Variants in SYNJ2 observed in about 807,000 individuals in gnomAD.
SYNJ2 encodes polyphosphatidylinositol phosphatase SYNJ2.
A neutral mutation model predicts 141.3 loss-of-function variants in SYNJ2; 116 were observed. The ratio of observed to expected loss-of-function variants is 0.82; its 90% confidence interval spans 0.71 to 0.96. The LOEUF (loss-of-function observed/expected upper bound fraction) is 0.96. Ranked by LOEUF, SYNJ2 falls within the 40% of genes least tolerant of loss-of-function variation. The probability of loss-of-function intolerance (pLI) is 0.00; values close to 1 mark genes in which losing one functional copy is unlikely to be tolerated. For missense variants in SYNJ2, 1,873 were observed against 1,934.8 expected (o/e 0.97, Z 0.60); for synonymous variants, 745 against 777.7 (o/e 0.96, Z 0.70).
chr6:158,047,793 A>AAAAAAAC (rs1780330923), intron 5 of SYNJ2, among the ~76,000 whole-genome samples: 2 of 149,144 alleles, frequency 1.3e-5, no homozygotes, highest in African/African-American at 5.0e-5. Context: ...AAAAAAAAAA[A>AAAAAAAC]AAAAAAAAAA....
chr6:158,070,295 C>A lies in SYNJ2; in HGVS notation c.1940+622C>A. 1 of 985,520 alleles carries A rather than the reference C, an allele frequency of 1.0e-6. No homozygotes were observed. The highest frequency in any genetic ancestry group is 1.2e-6 in the Non-Finnish European group (1 of 830,036). The allele number at this position is 985,520 out of a possible 1,614,324, so 61.0% of individuals were successfully genotyped here. A position where few individuals can be genotyped will look rare whatever the true frequency, so the allele number is the denominator to read the frequency against. On this transcript the variant is annotated intron_variant, in intron 14 of 26. Coordinates refer to ENST00000355585, the MANE Select transcript of SYNJ2 (RefSeq NM_003898.4). This position sits in a 1 kb window ranked among gnomAD's most constrained non-coding sequence, Gnocchi z 4.0. ...CACCAGCCTTTCGGCGAGCTGGCAG[C>A]AGGCGTTGAACTGACCTCCCCACTG...
Position 158,064,808 on chromosome 6 carries a change from G to A in SYNJ2, c.1360-18G>A, listed in dbSNP as rs748738629. The A allele has an allele frequency of 1.2e-5, 19 of 1,609,688 alleles. 1 individual carries two copies. The highest frequency in any genetic ancestry group is 8.0e-5 in the African/African-American group (6 of 75,018). On this transcript the variant is annotated intron_variant, in intron 10 of 26. Coordinates refer to ENST00000355585, the MANE Select transcript of SYNJ2 (RefSeq NM_003898.4). The stretch of plus-strand genomic sequence containing the variant: ...CCCAGGGACCCCCCTCACGGCCTGC[G>A]GTCTGGGCTCTCGGCAGGTGGGGAA...
At position 158,064,616 on chromosome 6, in the gene SYNJ2, C is replaced by G. The variant is rs1176851126; in HGVS notation, c.1225C>G (p.Leu409Val). 4 of 1,613,852 alleles carry G rather than the reference C, an allele frequency of 2.5e-6. No individual in the cohort carries two copies. Among genetic ancestry groups the G allele is most frequent in the Non-Finnish European group, 3.4e-6 (4 of 1,180,024 alleles). The stretch of plus-strand genomic sequence containing the variant: ...TCCTCCCCAGGTCCTGCATCTGCAG[C>G]TCAAGACCCTGGGGCTGAGTTCAAA... ...FIALEVLHLQ[L>V]KTLGLSSKPI... is the part of the protein sequence containing the mutation. Residue 409 changes from leucine to valine, a missense_variant, in exon 10 of 27, where the codon CTC (leucine) becomes GTC (valine). By Grantham distance (32) the Leu-to-Val change is conservative (BLOSUM62 1). Transcript: ENST00000355585.
At chr6:158,066,885 G>T (rs1215212008) in intron 12 of SYNJ2, among the ~76,000 whole-genome samples, 1 of 152,160 alleles carries the variant, frequency 6.6e-6, no homozygotes, top group Non-Finnish European at 1.5e-5. Context: ...ATACAGTGAT[G>T]GTGAAGTCTT....
intron 4 of SYNJ2, among the ~76,000 whole-genome samples, chr6:158,042,298 T>C (rs1168118657): frequency 6.6e-6 from 1 of 152,276 alleles, no homozygotes; most frequent in Non-Finnish European, 1.5e-5. Context: ...TTTGACAATG[T>C]AGATACCAGG....
At chr6:158,076,402 G>A (rs1052791207) in intron 16 of SYNJ2, among the ~76,000 whole-genome samples, 1 of 151,776 alleles carries the variant, frequency 6.6e-6, no homozygotes, top group African/African-American at 2.4e-5. Flanking sequence ...GGAGTGGGTG[G>A]GGAGATAGAT....
intron 2 of SYNJ2, among the ~76,000 whole-genome samples, chr6:158,022,112 C>T (rs142994106): frequency 9.5e-4 from 145 of 152,326 alleles, no homozygotes; most frequent in Middle Eastern, 3.4e-3. Flanking sequence ...TCTGAACCTG[C>T]GGGTGGCGGG....
chr6:158,016,914 G>A (rs574551093), intron 1 of SYNJ2: 1 of 954,854 alleles, frequency 1.0e-6, no homozygotes, highest in Non-Finnish European at 1.3e-6. Flanking sequence ...CCAGGCCCCA[G>A]GTGCCTGCCC....
chr6:158,085,790 C>T (rs1782993341), intron 22 of SYNJ2, among the ~76,000 whole-genome samples: 1 of 152,186 alleles, frequency 6.6e-6, no homozygotes, highest in African/African-American at 2.4e-5. Context: ...TTTGGACGCA[C>T]AGCTAGGTTT....
rs570979236 is a variant in SYNJ2, at chr6:158,040,415, C to T, written c.712-2901C>T. Reference sequence around the variant, plus strand: ...TGTACATGTGTAGATAGCATCTCAGCCTCCTTGGGAGGAAGCCTTGAGTCT... The same window carrying T: ...TGTACATGTGTAGATAGCATCTCAGTCTCCTTGGGAGGAAGCCTTGAGTCT... On this transcript the variant is annotated intron_variant, in intron 4 of 26. Coordinates refer to ENST00000355585, the MANE Select transcript of SYNJ2 (RefSeq NM_003898.4). The surrounding 1 kb of genome is among the most constrained non-coding windows in gnomAD (Gnocchi z 4.2). Among the ~76,000 whole-genome samples, 4 of 152,016 alleles carry T rather than the reference C, an allele frequency of 2.6e-5. No homozygotes were observed. The highest frequency in any genetic ancestry group is 9.6e-5 in the African/African-American group (4 of 41,462).
chr6:158,091,515 G>A (rs1313742564), intron 25 of SYNJ2, among the ~76,000 whole-genome samples: 1 of 151,632 alleles, frequency 6.6e-6, no homozygotes, highest in African/African-American at 2.4e-5. Flanking sequence ...TTGGGAGGCC[G>A]AGGCAGGCGG....
Position 157,981,957 on chromosome 6 carries a change from C to T in SYNJ2, c.-5C>T. On this transcript the variant is annotated 5_prime_UTR_variant, in exon 1 of 27. Coordinates refer to ENST00000355585, the MANE Select transcript of SYNJ2 (RefSeq NM_003898.4). The surrounding 1 kb of genome is among the most constrained non-coding windows in gnomAD (Gnocchi z 6.4). ...CGGCCCCCGCCCGCAGTGGGCCCGA[C>T]CCTCATGGCCCTGAGCAAAGGGCTG... The T allele has an allele frequency of 1.6e-6, 2 of 1,232,398 alleles. No homozygotes were observed. Among genetic ancestry groups the T allele is most frequent in the South Asian group, 7.8e-5 (2 of 25,704 alleles). 76.3% of individuals were successfully genotyped at this position (1,232,398 alleles called of 1,614,324 possible).
chr6:158,066,332 C>T, intron 11 of SYNJ2, 112 bp from the exon 12 acceptor site: 2 of 1,243,002 alleles, frequency 1.6e-6, no homozygotes, highest in Non-Finnish European at 2.3e-6. Flanking sequence ...CCTGGTTTAT[C>T]TCTAGAGGCT....
intron 4 of SYNJ2, among the ~76,000 whole-genome samples, chr6:158,042,831 C>T (rs1377843257): frequency 6.6e-6 from 1 of 152,238 alleles, no homozygotes; most frequent in Non-Finnish European, 1.5e-5. Flanking sequence ...AAGTACGAGA[C>T]TGGCTAGCAC....
chr6:158,043,259 C>T lies in SYNJ2; in HGVS notation c.712-57C>T, dbSNP rs758183861. 1.7e-5 allele frequency: 26 copies of T among 1,519,400 alleles called. No homozygotes were observed. The highest frequency in any genetic ancestry group is 2.4e-5 in the Non-Finnish European group (26 of 1,096,952). The allele number at this position is 1,519,400 out of a possible 1,614,324, so 94.1% of individuals were successfully genotyped here. On this transcript the variant is annotated intron_variant, in intron 4 of 26. Transcript: ENST00000355585. This position sits in a 1 kb window ranked among gnomAD's most constrained non-coding sequence, Gnocchi z 4.0. ...GGTGGCCGGATCCCGTTACCCAGCC[C>T]AGGACGTTCGGTTTCATTGAAGAAT...
chr6:158,043,694 C>T lies in SYNJ2; in HGVS notation c.795+295C>T. 6.6e-6 allele frequency among the ~76,000 whole-genome samples: 1 copy of T among 152,088 alleles called. No individual in the cohort carries two copies. The highest frequency in any genetic ancestry group is 2.4e-5 in the African/African-American group (1 of 41,420). On this transcript the variant is annotated intron_variant, in intron 5 of 26. Transcript: ENST00000355585. This position sits in a 1 kb window ranked among gnomAD's most constrained non-coding sequence, Gnocchi z 4.0. ...TGCGGTGCCTGCTGAGTGGGTGCCG[C>T]GAAGTGAGCTTGGGTAGCACTGCCT...
chr6:157,988,738 G>A (rs1042643696), intron 1 of SYNJ2, among the ~76,000 whole-genome samples: 4 of 152,164 alleles, frequency 2.6e-5, no homozygotes, highest in African/African-American at 7.2e-5. Flanking sequence ...GAATTTGATC[G>A]GAGTCCCTTT....
rs993389269 is a variant in SYNJ2 at position 158,040,970 on chromosome 6, C to T, written c.712-2346C>T. 1.1e-4 allele frequency among the ~76,000 whole-genome samples: 17 copies of T among 152,334 alleles called. No individual in the cohort carries two copies. The highest frequency in any genetic ancestry group is 4.1e-4 in the African/African-American group (17 of 41,580). Reference sequence around the variant, plus strand: ...TCCTTCTTCCCACGACCCAAGCTCTCTCCGACGCCAGCAGGTGCCCGCATG... The same window carrying T: ...TCCTTCTTCCCACGACCCAAGCTCTTTCCGACGCCAGCAGGTGCCCGCATG... On this transcript the variant is annotated intron_variant, in intron 4 of 26. Transcript: ENST00000355585. This position sits in a 1 kb window ranked among gnomAD's most constrained non-coding sequence, Gnocchi z 4.2.
intron 1 of SYNJ2, among the ~76,000 whole-genome samples, chr6:157,994,651 A>C (rs1777576357): frequency 2.0e-5 from 3 of 152,226 alleles, no homozygotes. Context: ...TCATGTCTCC[A>C]GAGTGGACAG....
Sources: gnomAD v4.1 joint callset for allele counts (sites outside exome capture counted in the v4.1 genomes callset) on GRCh38, gnomAD v4.1.1 for gene constraint, Gnocchi (gnomAD v3.1) non-coding constraint, MANE v1.5 for transcripts, NCBI Gene and HGNC (gene_info 2026-07-23, HGNC 2026-07-21) for gene names.